SPTBN1: variants seen among roughly 807,000 people sequenced by gnomAD.
The protein encoded by SPTBN1 is spectrin beta, non-erythrocytic 1.
A neutral mutation model predicts 266.4 loss-of-function variants in SPTBN1; 32 were observed. The observed-to-expected ratio is 0.12, with a 90% CI of 0.09 to 0.16. The LOEUF is 0.16. Among genes scored for constraint, SPTBN1 ranks in the 10% least tolerant of loss-of-function variants. The probability of loss-of-function intolerance (pLI) is 1.00; values close to 1 mark genes in which losing one functional copy is unlikely to be tolerated. For synonymous variants in SPTBN1, 1,336 were observed against 1,162.2 expected, an observed-to-expected ratio of 1.15 and a Z score of -3.04; for missense variants, 2,296 against 3,067.1, an observed-to-expected ratio of 0.75 and a Z score of 5.94.
intron 2 of SPTBN1, among the ~76,000 whole-genome samples, chr2:54,552,602 G>A (rs1035659958): frequency 4.9e-4 from 75 of 151,706 alleles, no homozygotes; most frequent in African/African-American, 1.6e-3. Context: ...GATTACAGGC[G>A]CCCACCACCA....
chr2:54,587,525 A>G (rs1372899955), intron 2 of SPTBN1, among the ~76,000 whole-genome samples: 1 of 152,164 alleles, frequency 6.6e-6, no homozygotes, highest in East Asian at 1.9e-4. Context: ...AGTTTTTCCT[A>G]ACTTTTAAGG....
chr2:54,572,167 G>A (rs1043894274), intron 2 of SPTBN1, among the ~76,000 whole-genome samples: 1 of 151,976 alleles, frequency 6.6e-6, no homozygotes, highest in Non-Finnish European at 1.5e-5. Context: ...GGTACTTAGG[G>A]AGACAGAAAC....
chr2:54,494,712 C>T (rs961799336), intron 1 of SPTBN1, among the ~76,000 whole-genome samples: 5 of 152,066 alleles, frequency 3.3e-5, no homozygotes, highest in Non-Finnish European at 7.4e-5. Flanking sequence ...GATCCATGGT[C>T]GTCTGGAGGT....
At position 54,624,827 on chromosome 2, in the gene SPTBN1, G is replaced by A. The variant is rs754210584; in HGVS notation, c.1206G>A (p.Ala402=). 90 of 1,614,034 alleles carry A rather than the reference G, an allele frequency of 5.6e-5. No individual in the cohort carries two copies. The highest frequency in any genetic ancestry group is 3.3e-4 in the Middle Eastern group (2 of 6,082). The change falls in exon 11 of 36, where the codon GCG becomes GCA. Residue 402 remains alanine (A), a synonymous_variant. Coordinates refer to ENST00000356805, the MANE Select transcript of SPTBN1 (RefSeq NM_003128.3). The part of the protein sequence containing the change: ...INKAWERLEK[A]EHERELALRN... Reference sequence around the variant, plus strand: ...AGGCCTGGGAAAGACTGGAAAAAGCGGAACACGAAAGAGAACTGGCTTTGC... The same window carrying A: ...AGGCCTGGGAAAGACTGGAAAAAGCAGAACACGAAAGAGAACTGGCTTTGC...
intron 1 of SPTBN1, among the ~76,000 whole-genome samples, chr2:54,525,173 G>A (rs973546452): frequency 6.6e-6 from 1 of 152,174 alleles, no homozygotes; most frequent in African/African-American, 2.4e-5. Context: ...TATCAGTTCA[G>A]GATAAAGAAT....
At chr2:54,485,212 C>T (rs951795123) in intron 1 of SPTBN1, among the ~76,000 whole-genome samples, 1 of 152,178 alleles carries the variant, frequency 6.6e-6, no homozygotes, top group Non-Finnish European at 1.5e-5. Flanking sequence ...CCCTCTCCCT[C>T]TCTTTCCATG....
At chr2:54,511,864 C>G (rs1365730466) in intron 1 of SPTBN1, among the ~76,000 whole-genome samples, 1 of 152,030 alleles carries the variant, frequency 6.6e-6, no homozygotes, top group Non-Finnish European at 1.5e-5. Context: ...GAGCTAGACT[C>G]CATCTCAAAA....
At position 54,631,689 on chromosome 2, in the gene SPTBN1, G is replaced by A. The variant is rs920411875; in HGVS notation, c.3564+78G>A. 9.8e-6 allele frequency: 15 copies of A among 1,534,952 alleles called. No homozygotes were observed. The East Asian group carries it at 3.4e-4, about 35-fold the overall frequency. On this transcript the variant is annotated intron_variant, in intron 16 of 35. Transcript: ENST00000356805. The stretch of plus-strand genomic sequence containing the variant: ...CTTTTGAAATGTTTTGGCTGGGGCA[G>A]CTGGTTTAAACCACACCTGTATGGA...
At chr2:54,472,452 ATCTTG>A (rs1693977499) in intron 1 of SPTBN1, among the ~76,000 whole-genome samples, 1 of 152,162 alleles carries the variant, frequency 6.6e-6, no homozygotes, top group South Asian at 2.1e-4. Context: ...TTGCTGTGGA[ATCTTG>A]TCTTAGCTGA....
Position 54,668,659 on chromosome 2 carries a change from T to C in SPTBN1, c.*90T>C. On this transcript the variant is annotated 3_prime_UTR_variant, in exon 36 of 36. Transcript: ENST00000356805. ...GAACCAACACATTACTCTCTGTGCC[T>C]AATGTTCCTCAATGTGGTTGATTTT... The C allele has an allele frequency of 1.9e-6, 2 of 1,044,938 alleles. No homozygotes were observed. The highest frequency in any genetic ancestry group is 1.3e-6 in the Non-Finnish European group (1 of 757,254). 64.7% of individuals were successfully genotyped at this position (1,044,938 alleles called of 1,614,324 possible). A position where few individuals can be genotyped will look rare whatever the true frequency, so the allele number is the denominator to read the frequency against.
At chr2:54,577,911 A>G (rs372985131) in intron 2 of SPTBN1, among the ~76,000 whole-genome samples, 19 of 144,676 alleles carry the variant, frequency 1.3e-4, no homozygotes, top group African/African-American at 4.7e-4. Context: ...TCCTTTTTTC[A>G]ATCTTAAAGG....
In SPTBN1 at chr2:54,645,495, C is replaced by G. The variant is rs1558464347; in HGVS notation, c.4494+42C>G. On this transcript the variant is annotated intron_variant, in intron 21 of 35. Coordinates refer to ENST00000356805, the MANE Select transcript of SPTBN1 (RefSeq NM_003128.3). This position sits in a 1 kb window ranked among gnomAD's most constrained non-coding sequence, Gnocchi z 4.3. ...TGCACACATGGCTTTTCCACGAGCC[C>G]CCTTGCCTGTGCTAAAGCCCACATT... 1 of 1,595,176 alleles carries G rather than the reference C, an allele frequency of 6.3e-7. No homozygotes were observed. Among genetic ancestry groups the G allele is most frequent in the Admixed American group, 1.7e-5 (1 of 58,924 alleles).
chr2:54,630,703 GT>G (rs1678673692), intron 15 of SPTBN1, 151 bp from the exon 16 acceptor site: 1 of 920,468 alleles, frequency 1.1e-6, no homozygotes, highest in Middle Eastern at 3.5e-4. Context: ...GGTGTTCACA[GT>G]TTGAGTGAGA....
chr2:54,589,886 T>C (rs1306967689), intron 2 of SPTBN1, among the ~76,000 whole-genome samples: 1 of 152,280 alleles, frequency 6.6e-6, no homozygotes, highest in Non-Finnish European at 1.5e-5. Context: ...ACTATTCTTT[T>C]GTTTTGAGTT....
At chr2:54,593,822 A>ATTTTTT (rs1675848999) in intron 2 of SPTBN1, among the ~76,000 whole-genome samples, 6 of 69,916 alleles carry the variant, frequency 8.6e-5, no homozygotes, top group Admixed American at 1.9e-4. Flanking sequence ...TCATGGAAAC[A>ATTTTTT]CTTTTTTTTT....
chr2:54,621,161 G>C (rs1313308369), intron 7 of SPTBN1, among the ~76,000 whole-genome samples: 2 of 152,210 alleles, frequency 1.3e-5, no homozygotes, highest in Non-Finnish European at 2.9e-5. Flanking sequence ...AGGGCAAGGA[G>C]AGGAGGAACT....
chr2:54,643,392 C>G (rs1218907579), intron 19 of SPTBN1, among the ~76,000 whole-genome samples: 1 of 152,220 alleles, frequency 6.6e-6, no homozygotes, highest in African/African-American at 2.4e-5. Flanking sequence ...TGTTGTGCCT[C>G]TCATCTGCTG....
chr2:54,537,951 A>G (rs1368419545), intron 2 of SPTBN1, among the ~76,000 whole-genome samples: 1 of 152,232 alleles, frequency 6.6e-6, no homozygotes, highest in Non-Finnish European at 1.5e-5. Flanking sequence ...AGAGCATGGC[A>G]GCTCTCCCTG....
intron 4 of SPTBN1, among the ~76,000 whole-genome samples, chr2:54,614,693 C>T (rs868585016): frequency 9.9e-5 from 15 of 151,910 alleles, no homozygotes; most frequent in African/African-American, 3.4e-4. Context: ...ATCCCAGTTA[C>T]TTGAGAAGCT....
Sources: allele counts gnomAD v4.1 joint callset (sites outside exome capture counted in the v4.1 genomes callset), GRCh38; gene constraint gnomAD v4.1.1; non-coding constraint Gnocchi (gnomAD v3.1); transcripts MANE v1.5; gene names NCBI Gene and HGNC (gene_info 2026-07-23, HGNC 2026-07-21).